The following PRKCB variants were observed in gnomAD, a reference collection of about 807,000 sequenced individuals.
PRKCB encodes protein kinase C beta.
A neutral mutation model predicts 81.5 loss-of-function variants in PRKCB; 13 were observed. The observed-to-expected ratio is 0.16, with a 90% confidence interval of 0.10 to 0.25. The LOEUF is 0.25. PRKCB is among the 10% of genes least tolerant of loss of function. The pLI is 1.00. For missense variants in PRKCB, 509 were observed against 875.7 expected (o/e 0.58, Z 5.29); for synonymous variants, 335 against 321.4 (o/e 1.04, Z -0.45).
chr16:23,976,643 C>T (rs1964631127), intron 2 of PRKCB, among the ~76,000 whole-genome samples: 1 of 152,188 alleles, frequency 6.6e-6, no homozygotes, highest in South Asian at 2.1e-4. Flanking sequence ...GGGGTTAGGC[C>T]TGCTTCTGGT....
intron 2 of PRKCB, among the ~76,000 whole-genome samples, chr16:23,951,099 T>C (rs1172671204): frequency 1.3e-5 from 2 of 152,188 alleles, no homozygotes; most frequent in Admixed American, 1.3e-4. Flanking sequence ...TTACTTTTCC[T>C]GTTTGACTCA....
chr16:24,201,599 G>T (rs1967957966), intron 16 of PRKCB, among the ~76,000 whole-genome samples: 1 of 152,212 alleles, frequency 6.6e-6, no homozygotes, highest in Non-Finnish European at 1.5e-5. Context: ...GATGGAATGT[G>T]CTGATTGACC....
chr16:24,217,442 A>G lies in PRKCB; in HGVS notation c.*2626A>G, dbSNP rs2141997519. 1 of 985,444 alleles carries G rather than the reference A, an allele frequency of 1.0e-6. No individual in the cohort carries two copies. The highest frequency in any genetic ancestry group is 4.7e-5 in the South Asian group (1 of 21,284). 61.0% of individuals were successfully genotyped at this position (985,444 alleles called of 1,614,324 possible). ...GGGGGATTAATGGGAGGTCAGTAGAATTAATAACCCTCCTTGGATGAGTGC... is the reference window on the plus strand; with the variant it reads ...GGGGGATTAATGGGAGGTCAGTAGAGTTAATAACCCTCCTTGGATGAGTGC... On this transcript the variant is annotated 3_prime_UTR_variant, in exon 17 of 17. Transcript: ENST00000643927.
intron 2 of PRKCB, among the ~76,000 whole-genome samples, chr16:23,897,883 T>C (rs1217516329): frequency 6.6e-6 from 1 of 151,774 alleles, no homozygotes; most frequent in African/African-American, 2.4e-5. Context: ...TTAATATTTA[T>C]ATTATTTATG....
chr16:23,954,367 T>C (rs1293223099), intron 2 of PRKCB, among the ~76,000 whole-genome samples: 8 of 152,190 alleles, frequency 5.3e-5, no homozygotes, highest in Non-Finnish European at 1.2e-4. Flanking sequence ...TCATAAGACA[T>C]AAGTCTCAGC....
At chr16:24,137,680 A>G (rs957407306) in intron 9 of PRKCB, among the ~76,000 whole-genome samples, 1 of 152,144 alleles carries the variant, frequency 6.6e-6, no homozygotes, top group Non-Finnish European at 1.5e-5. Flanking sequence ...TCTCAACTTT[A>G]TCTCTATGTA....
chr16:24,184,992 G>A, intron 13 of PRKCB, 119 bp from the exon 14 acceptor site: 1 of 836,162 alleles, frequency 1.2e-6, no homozygotes. Context: ...TCCCTGAATA[G>A]CTAATATAAA....
rs553056902 is a variant in PRKCB, at chr16:24,072,656, A to G, written c.530-20135A>G. ...GAGTGCAATGGCATGATCTCTGCTC[A>G]CTGCAACCTCTGCCTCCTGGGTTCA... On this transcript the variant is annotated intron_variant, in intron 5 of 16. Transcript: ENST00000643927. Among the ~76,000 whole-genome samples, 9 of 151,028 alleles carry G rather than the reference A, an allele frequency of 6.0e-5. No individual in the cohort carries two copies. In the East Asian group the frequency reaches 7.8e-4, roughly 13 times the overall value.
At chr16:23,985,023 A>C (rs577354111) in intron 2 of PRKCB, among the ~76,000 whole-genome samples, 2 of 152,218 alleles carry the variant, frequency 1.3e-5, no homozygotes, top group South Asian at 4.1e-4. Context: ...AAGCTATTTG[A>C]GTTTTTTTAA....
chr16:24,025,786 A>G (rs905465827), intron 3 of PRKCB, among the ~76,000 whole-genome samples: 47 of 152,180 alleles, frequency 3.1e-4, no homozygotes, highest in Non-Finnish European at 6.6e-4. Context: ...TGAGGTGTCA[A>G]TGGAGTAAAG....
At chr16:24,103,462 T>C (rs959989215) in intron 7 of PRKCB, among the ~76,000 whole-genome samples, 4 of 152,248 alleles carry the variant, frequency 2.6e-5, no homozygotes, top group Non-Finnish European at 4.4e-5. Context: ...GCTTAGTATT[T>C]GTTCAATGTT....
chr16:24,155,247 C>G (rs1003029658), intron 10 of PRKCB, among the ~76,000 whole-genome samples: 1 of 152,148 alleles, frequency 6.6e-6, no homozygotes, highest in Non-Finnish European at 1.5e-5. Context: ...TTGCCTGAGG[C>G]CTTTGCATGG....
intron 16 of PRKCB, among the ~76,000 whole-genome samples, chr16:24,214,236 AATGG>A (rs1368399688): frequency 6.6e-6 from 1 of 152,114 alleles, no homozygotes; most frequent in Non-Finnish European, 1.5e-5. Context: ...GTGATGTATA[AATGG>A]GTCACTACTT....
chr16:24,046,143 A>G (rs1016498199), intron 5 of PRKCB, among the ~76,000 whole-genome samples: 3 of 152,220 alleles, frequency 2.0e-5, no homozygotes, highest in African/African-American at 4.8e-5. Flanking sequence ...AGGTGAAGGC[A>G]TGTCTCTGGG....
At chr16:24,186,041 C>T (rs1166062361) in intron 15 of PRKCB, among the ~76,000 whole-genome samples, 1 of 152,184 alleles carries the variant, frequency 6.6e-6, no homozygotes, top group African/African-American at 2.4e-5. Flanking sequence ...GATAAGCAGA[C>T]TGAAATTCAA....
intron 2 of PRKCB, among the ~76,000 whole-genome samples, chr16:23,916,375 T>C (rs567704683): frequency 6.6e-6 from 1 of 152,294 alleles, no homozygotes; most frequent in African/African-American, 2.4e-5. Context: ...CAGTATCTTT[T>C]TTTATGCATC....
Position 23,950,132 on chromosome 16 carries a change from A to AGTTTTT in PRKCB, c.206-38376_206-38375insGTTTTT, listed in dbSNP as rs55986931. Among the ~76,000 whole-genome samples the AGTTTTT allele has an allele frequency of 8.0e-3, 785 of 97,766 alleles. 200 individuals are homozygous for AGTTTTT. Among genetic ancestry groups the AGTTTTT allele is most frequent in the African/African-American group, 0.021 (498 of 24,110 alleles). 64.1% of individuals were successfully genotyped at this position (97,766 alleles called of 152,430 possible). A position where few individuals can be genotyped will look rare whatever the true frequency, so the allele number is the denominator to read the frequency against. ...AGCAGCATTGGCCCCTATGATTTGA[A>AGTTTTT]TTTTTTTTTTTTTTTTTTTTTTTTT... On this transcript the variant is annotated intron_variant, in intron 2 of 16. Coordinates refer to ENST00000643927, the MANE Select transcript of PRKCB (RefSeq NM_002738.7).
intron 3 of PRKCB, among the ~76,000 whole-genome samples, chr16:24,018,439 G>A (rs186977266): frequency 2.6e-5 from 4 of 152,240 alleles, no homozygotes; most frequent in East Asian, 3.9e-4. Context: ...TAGGAATTAA[G>A]CATTATTATT....
intron 3 of PRKCB, among the ~76,000 whole-genome samples, chr16:24,012,076 A>G (rs17811655): frequency 0.1 from 15,826 of 151,986 alleles, 999 homozygotes; most frequent in Middle Eastern, 0.21. Context: ...TTAACTGTGA[A>G]TCTCCCAAAT....
Sources: allele counts gnomAD v4.1 joint callset (sites outside exome capture counted in the v4.1 genomes callset), GRCh38; gene constraint gnomAD v4.1.1; transcripts MANE v1.5; gene names NCBI Gene and HGNC (gene_info 2026-07-23, HGNC 2026-07-21).